The following TCFL5 variants were observed in gnomAD, a reference collection of about 807,000 sequenced individuals.
TCFL5 encodes transcription factor-like 5 protein.
Under a neutral mutation model 44.3 loss-of-function variants are expected in TCFL5, and 9 were observed. The observed-to-expected ratio is 0.20, with a 90% confidence interval of 0.12 to 0.35. The LOEUF is 0.35. Among genes scored for constraint, TCFL5 ranks in the 10% least tolerant of loss-of-function variants. The probability of loss-of-function intolerance (pLI) is 1.00; values close to 1 mark genes in which losing one functional copy is unlikely to be tolerated. For synonymous variants in TCFL5, 319 were observed against 271.6 expected, an observed-to-expected ratio of 1.17 and a Z score of -1.72; for missense variants, 603 against 613.4, an observed-to-expected ratio of 0.98 and a Z score of 0.18.
chr20:62,845,959 G>A (rs1270867990), intron 5 of TCFL5: 26 of 1,456,216 alleles, frequency 1.8e-5, no homozygotes, highest in Middle Eastern at 1.8e-4. Flanking sequence ...AATGAGCCCA[G>A]ATAGAAACTT....
At chr20:62,853,157 C>T (rs1409677944) in intron 5 of TCFL5, among the ~76,000 whole-genome samples, 1 of 150,232 alleles carries the variant, frequency 6.7e-6, no homozygotes, top group East Asian at 1.9e-4. Context: ...TATAGTCACC[C>T]AGTCCACAAA....
At chr20:62,860,341 G>C (rs2063974996) in intron 1 of TCFL5, 33 bp from the exon 2 acceptor site, 1 of 1,572,950 alleles carries the variant, frequency 6.4e-7, no homozygotes, top group African/African-American at 1.3e-5. Context: ...AGAAGTGTCA[G>C]CAATACGTGG....
chr20:62,855,643 G>A (rs1448178570), intron 4 of TCFL5, among the ~76,000 whole-genome samples: 2 of 152,212 alleles, frequency 1.3e-5, no homozygotes, highest in African/African-American at 4.8e-5. Flanking sequence ...ACGCATGCCT[G>A]TAATCCCAGC....
intron 2 of TCFL5, 30 bp downstream of exon 2, chr20:62,860,094 AG>A: frequency 6.3e-7 from 1 of 1,578,978 alleles, no homozygotes; most frequent in Non-Finnish European, 8.6e-7. Flanking sequence ...TTAATACAAA[AG>A]AGCAAAGCTT....
chr20:62,845,690 A>G (rs2063733047), intron 5 of TCFL5: 1 of 1,606,754 alleles, frequency 6.2e-7, no homozygotes, highest in Non-Finnish European at 8.5e-7. Context: ...ACGAGGTGGA[A>G]ATCGAGGACT....
intron 5 of TCFL5, among the ~76,000 whole-genome samples, chr20:62,843,136 A>ATTT (rs1303586190): frequency 6.6e-6 from 1 of 152,222 alleles, no homozygotes; most frequent in Non-Finnish European, 1.5e-5. Context: ...CCTTTTCAAC[A>ATTT]AATGAACGGT....
rs2064006829 is a variant in TCFL5 at position 62,861,428 on chromosome 20, C to G, written c.243G>C (p.Leu81=). ...CTGCGCCCGGGCCCGCCGCCGCCAG[C>G]AGCGCCGAGTTGAGGCGCGTCTCGA... is the stretch of plus-strand genomic sequence containing the variant. ...GELETRLNSA[L]LAAAGPGAGA... The change falls in exon 1 of 6, where the codon CTG becomes CTC. Residue 81 remains leucine, a synonymous_variant. Transcript: ENST00000335351. The surrounding 1 kb of genome is among the most constrained non-coding windows in gnomAD (Gnocchi z 4.0). 25 of 1,153,190 alleles carry G rather than the reference C, an allele frequency of 2.2e-5. No individual in the cohort carries two copies. The highest frequency in any genetic ancestry group is 2.7e-5 in the Non-Finnish European group (25 of 932,002). The allele number at this position is 1,153,190 out of a possible 1,614,324, so 71.4% of individuals were successfully genotyped here.
intron 5 of TCFL5, chr20:62,845,046 C>A (rs2063723642): frequency 1.0e-6 from 1 of 986,008 alleles, no homozygotes; most frequent in Non-Finnish European, 1.2e-6. Flanking sequence ...ACTTTCCAAC[C>A]AAGCAAGCTG....
intron 2 of TCFL5, 147 bp from the exon 3 acceptor site, chr20:62,859,673 G>A (rs576071956): frequency 5.1e-5 from 38 of 746,546 alleles, no homozygotes; most frequent in African/African-American, 4.6e-4. Context: ...AAAAATATTC[G>A]CATACCACAT....
intron 3 of TCFL5, among the ~76,000 whole-genome samples, chr20:62,859,127 A>G (rs973967959): frequency 7.9e-5 from 12 of 152,252 alleles, no homozygotes; most frequent in Admixed American, 1.3e-4. Context: ...TGTTAAGAAA[A>G]AGCCCTCAAA....
rs774129264 is a variant in TCFL5 at position 62,842,695 on chromosome 20, G to T, written c.1381-598C>A. On this transcript the variant is annotated intron_variant, in intron 5 of 5. Coordinates refer to ENST00000335351, the MANE Select transcript of TCFL5 (RefSeq NM_006602.4). The surrounding 1 kb of genome is among the most constrained non-coding windows in gnomAD (Gnocchi z 4.3). ...GGACAATCTCTTGAGCCTGGGAGGT[G>T]GAGGTTGCAGTGAGCCGAGATCATG... 2.0e-5 allele frequency among the ~76,000 whole-genome samples: 3 copies of T among 152,176 alleles called. No individual in the cohort carries two copies. Among genetic ancestry groups the T allele is most frequent in the Non-Finnish European group, 4.4e-5 (3 of 68,026 alleles).
chr20:62,856,684 C>A (rs901511621), intron 4 of TCFL5, among the ~76,000 whole-genome samples: 11 of 122,400 alleles, frequency 9.0e-5, no homozygotes, highest in African/African-American at 3.5e-4. Context: ...CCAGCCTGGG[C>A]GACAGAGCAA....
intron 3 of TCFL5, among the ~76,000 whole-genome samples, chr20:62,858,814 C>T (rs56224380): frequency 0.077 from 6,369 of 82,354 alleles, 1,557 homozygotes; most frequent in Middle Eastern, 0.12. Context: ...GAAGGGGCTA[C>T]GCAGGTGTTT....
chr20:62,846,536 A>G (rs1450183411), intron 5 of TCFL5, among the ~76,000 whole-genome samples: 2 of 152,242 alleles, frequency 1.3e-5, no homozygotes, highest in Non-Finnish European at 1.5e-5. Flanking sequence ...AGGAATTTTT[A>G]TAACATCAAA....
intron 3 of TCFL5, among the ~76,000 whole-genome samples, chr20:62,857,932 G>C (rs1291270616): frequency 6.6e-6 from 1 of 151,622 alleles, no homozygotes; most frequent in Non-Finnish European, 1.5e-5. Flanking sequence ...TTAATTAACA[G>C]GTGTTATCTA....
Position 62,859,506 on chromosome 20 carries a change from A to C in TCFL5, c.852T>G (p.Ser284=). The change falls in exon 3 of 6, where the codon TCT becomes TCG. Residue 284 remains serine (S), a synonymous_variant. Transcript: ENST00000335351. The part of the protein sequence containing the change: ...SQTQSSSNSC[S]VLEAAKHQDI... ...CCTGGTGCTTGGCAGCTTCAAGTAC[A>C]GAACATGAGTTACTAGAACTCTGGA... 1.9e-6 allele frequency: 3 copies of C among 1,610,098 alleles called. No homozygotes were observed. Among genetic ancestry groups the C allele is most frequent in the East Asian group, 2.2e-5 (1 of 44,882 alleles).
chr20:62,856,726 A>AC lies in TCFL5; in HGVS notation c.1238+668_1238+669insG, dbSNP rs36027407. 5.4e-5 allele frequency among the ~76,000 whole-genome samples: 8 copies of AC among 148,224 alleles called. No homozygotes were observed. In the South Asian group the frequency reaches 1.7e-3, roughly 32 times the overall value. ...GTCTCAAAAAAAAAAAAAAAAAAAAAGAACCAGGCAAAACTTGCTGAACTC... is the reference window on the plus strand; with the variant it reads ...GTCTCAAAAAAAAAAAAAAAAAAAAACGAACCAGGCAAAACTTGCTGAACTC... On this transcript the variant is annotated intron_variant, in intron 4 of 5. Coordinates refer to ENST00000335351, the MANE Select transcript of TCFL5 (RefSeq NM_006602.4).
chr20:62,841,721 TACTA>T lies in TCFL5; in HGVS notation c.*250_*253del, dbSNP rs2063682072. The T allele has an allele frequency of 3.5e-6, 1 of 288,746 alleles. No homozygotes were observed. Among genetic ancestry groups the T allele is most frequent in the Non-Finnish European group, 6.4e-6 (1 of 157,034 alleles). The allele number at this position is 288,746 out of a possible 1,614,324, so 17.9% of individuals were successfully genotyped here. ...CATTGAGAAAATGCTTACTAATTAT[TACTA>T]ATTAATTATTACTAATTATTAAGAT... On this transcript the variant is annotated 3_prime_UTR_variant, in exon 6 of 6. Transcript: ENST00000335351.
chr20:62,852,947 AGTCACCTAGTCCGCAGAAGCATG>A (rs2063832444), intron 5 of TCFL5: 1 of 1,289,076 alleles, frequency 7.8e-7, no homozygotes, highest in South Asian at 1.2e-5. Context: ...GCAGAAGTAT[AGTCACCTAGTCCGCAGAAGCATG>A]GTCACCCGGT....
Sources: gnomAD v4.1 joint callset for allele counts (sites outside exome capture counted in the v4.1 genomes callset) on GRCh38, gnomAD v4.1.1 for gene constraint, Gnocchi (gnomAD v3.1) non-coding constraint, MANE v1.5 for transcripts, NCBI Gene and HGNC (gene_info 2026-07-23, HGNC 2026-07-21) for gene names.